WIPF1: variants seen among roughly 807,000 people sequenced by gnomAD.
WIPF1 encodes WAS/WASL interacting protein family member 1.
In WIPF1, 13 loss-of-function variants were observed where a neutral mutation model predicts 35.4. That is an observed-to-expected ratio of 0.37 (90% CI 0.24 to 0.58). WIPF1 has a LOEUF of 0.58. Among genes scored for constraint, WIPF1 ranks in the 20% least tolerant of loss-of-function variants. WIPF1 has a pLI of 0.74. For synonymous variants in WIPF1, 267 were observed against 266.3 expected (o/e 1.00, Z -0.02); for missense variants, 591 against 667.0 (o/e 0.89, Z 1.25).
At chr2:174,661,206 G>A (rs1687752110) in intron 1 of WIPF1, among the ~76,000 whole-genome samples, 1 of 152,254 alleles carries the variant, frequency 6.6e-6, no homozygotes, top group South Asian at 2.1e-4. Flanking sequence ...GCCTGACCGG[G>A]CAGGCAGGTG....
rs76638314 is a variant in WIPF1, at chr2:174,608,553, G to A, written c.-38-22942C>T. Among the ~76,000 whole-genome samples the A allele has an allele frequency of 1.0e-3, 151 of 151,598 alleles. 2 individuals carry two copies. In the East Asian group the frequency reaches 0.024, roughly 24 times the overall value. On this transcript the variant is annotated intron_variant, in intron 1 of 8. Coordinates refer to the WIPF1 transcript ENST00000272746. ...TTGTCTTAGGTAATTTAATTAAAAT[G>A]CAAACATTTCCCAGTTACCAGCATC... is the stretch of plus-strand genomic sequence containing the variant.
intron 1 of WIPF1, among the ~76,000 whole-genome samples, chr2:174,670,285 A>G (rs573371819): frequency 6.6e-6 from 1 of 152,222 alleles, no homozygotes; most frequent in African/African-American, 2.4e-5. Flanking sequence ...CCCCCATCAC[A>G]AGGAACCTCC....
At chr2:174,602,828 C>G (rs1686050137) in intron 1 of WIPF1, among the ~76,000 whole-genome samples, 1 of 152,226 alleles carries the variant, frequency 6.6e-6, no homozygotes, top group Admixed American at 6.5e-5. Context: ...GTTTTGGCAG[C>G]TCAGCAACCA....
At chr2:174,610,439 A>G (rs1686306142) in intron 1 of WIPF1, among the ~76,000 whole-genome samples, 1 of 152,162 alleles carries the variant, frequency 6.6e-6, no homozygotes, top group Non-Finnish European at 1.5e-5. Context: ...CCATGACTAC[A>G]TTTAAATATT....
chr2:174,564,991 G>A (rs902188693), intron 7 of WIPF1, among the ~76,000 whole-genome samples: 2 of 151,814 alleles, frequency 1.3e-5, no homozygotes, highest in African/African-American at 4.8e-5. Flanking sequence ...CACCTCCTGA[G>A]TTCAAGCAAT....
Position 174,561,277 on chromosome 2 carries a change from C to G in WIPF1, c.*1270G>C, listed in dbSNP as rs968986831. 2 of 152,560 alleles carry G rather than the reference C, an allele frequency of 1.3e-5. No homozygotes were observed. Among genetic ancestry groups the G allele is most frequent in the Admixed American group, 1.3e-4 (2 of 15,278 alleles). The allele number at this position is 152,560 out of a possible 1,614,324, so 9.5% of individuals were successfully genotyped here. On this transcript the variant is annotated 3_prime_UTR_variant, in exon 8 of 8. Transcript: ENST00000679041. ...ATTTAGATTTTTAGAGTTTTGCCCA[C>G]CAACTCAAATCGGTTCCCTTCTTCT...
At chr2:174,639,139 T>C (rs1687246410) in intron 1 of WIPF1, among the ~76,000 whole-genome samples, 1 of 152,270 alleles carries the variant, frequency 6.6e-6, no homozygotes, top group Non-Finnish European at 1.5e-5. Flanking sequence ...CTTTTGACAA[T>C]AGTCATTCTG....
rs756813297 is a variant in WIPF1 at position 174,571,709 on chromosome 2, G to A, written c.1096C>T (p.Pro366Ser). 1.2e-6 allele frequency: 2 copies of A among 1,614,144 alleles called. No individual in the cohort carries two copies. The highest frequency in any genetic ancestry group is 1.3e-5 in the African/African-American group (1 of 75,046). Residue 366 changes from proline to serine, a missense_variant, in exon 5 of 8, where the codon CCA becomes TCA. Transcript: ENST00000679041. The surrounding 1 kb of genome is among the most constrained non-coding windows in gnomAD (Gnocchi z 4.6). ...CCTGGCGGGTCCCTCACTGGAGGTG[G>A]GGGTCTCTCACTGGGCGGGGGAGGA... Reference protein sequence around the residue: ...PLPPPPSERPPPPVRDPPGRS... With the variant: ...PLPPPPSERPSPPVRDPPGRS...
At chr2:174,644,446 T>C in intron 1 of WIPF1, among the ~76,000 whole-genome samples, 1 of 120,126 alleles carries the variant, frequency 8.3e-6, no homozygotes, top group African/African-American at 3.1e-5. Context: ...CCCCCCTCCC[T>C]ATATGGAGGA....
chr2:174,599,537 C>T (rs1245623331), upstream of WIPF1, among the ~76,000 whole-genome samples: 1 of 152,094 alleles, frequency 6.6e-6, no homozygotes, highest in African/African-American at 2.4e-5. Context: ...TGACTTAGGT[C>T]ACAAATAAAT....
chr2:174,677,413 G>A (rs1688157780), intron 1 of WIPF1, among the ~76,000 whole-genome samples: 1 of 152,204 alleles, frequency 6.6e-6, no homozygotes, highest in Admixed American at 6.5e-5. Context: ...TCTTGAAAGA[G>A]CTTACAATCT....
chr2:174,616,980 A>AT (rs951645904), intron 1 of WIPF1, among the ~76,000 whole-genome samples: 9 of 150,876 alleles, frequency 6.0e-5, no homozygotes, highest in East Asian at 1.9e-4. Flanking sequence ...TTTTTTTTTC[A>AT]TTTTTTTTAA....
chr2:174,659,629 C>T (rs550238818), intron 1 of WIPF1, among the ~76,000 whole-genome samples: 1 of 152,218 alleles, frequency 6.6e-6, no homozygotes, highest in Non-Finnish European at 1.5e-5. Flanking sequence ...GGATTATCAA[C>T]ATTATTTTGC....
At chr2:174,597,400 G>A (rs1685853182) in intron 1 of WIPF1, among the ~76,000 whole-genome samples, 1 of 152,164 alleles carries the variant, frequency 6.6e-6, no homozygotes, top group African/African-American at 2.4e-5. Flanking sequence ...TTACATTTTG[G>A]CTCAAAGCAT....
intron 1 of WIPF1, among the ~76,000 whole-genome samples, chr2:174,659,981 C>T (rs1687723213): frequency 6.6e-6 from 1 of 152,122 alleles, no homozygotes; most frequent in South Asian, 2.1e-4. Flanking sequence ...TTGCCTCTCA[C>T]CAGTACCTGG....
At chr2:174,662,792 T>C (rs758619846) in intron 1 of WIPF1, among the ~76,000 whole-genome samples, 6 of 152,210 alleles carry the variant, frequency 3.9e-5, no homozygotes, top group Non-Finnish European at 7.3e-5. Context: ...TAAGAGTCTT[T>C]TGGCATCCAT....
At chr2:174,564,706 G>GA (rs1684591158) in intron 7 of WIPF1, among the ~76,000 whole-genome samples, 1 of 151,764 alleles carries the variant, frequency 6.6e-6, no homozygotes, top group African/African-American at 2.4e-5. Flanking sequence ...AATAAGTTAG[G>GA]AAAAATATTT....
rs1438692141 is a variant in WIPF1, at chr2:174,561,861, A to G, written c.*686T>C. ...GAGATGTGCGGTAAGTGTAAAATAC[A>G]CTCTGGATTTTGAAGATTCAGTACC... On this transcript the variant is annotated 3_prime_UTR_variant, in exon 8 of 8. Transcript: ENST00000679041. The G allele has an allele frequency of 3.6e-6, 2 of 553,678 alleles. No individual in the cohort carries two copies. The highest frequency in any genetic ancestry group is 6.2e-6 in the Non-Finnish European group (2 of 323,332). 34.3% of individuals were successfully genotyped at this position (553,678 alleles called of 1,614,324 possible). A position where few individuals can be genotyped will look rare whatever the true frequency, so the allele number is the denominator to read the frequency against.
chr2:174,644,831 G>A (rs566091479), intron 1 of WIPF1, among the ~76,000 whole-genome samples: 1 of 152,322 alleles, frequency 6.6e-6, no homozygotes, highest in East Asian at 1.9e-4. Context: ...AGGCACAGTA[G>A]TAAACAAGAA....
Sources: allele counts gnomAD v4.1 joint callset (sites outside exome capture counted in the v4.1 genomes callset), GRCh38; gene constraint gnomAD v4.1.1; non-coding constraint Gnocchi (gnomAD v3.1); transcripts MANE v1.5; gene names NCBI Gene and HGNC (gene_info 2026-07-23, HGNC 2026-07-21).